Variants in LY96 observed in about 807,000 individuals in gnomAD.
LY96 encodes the protein lymphocyte antigen 96.
Under a neutral mutation model 18.9 loss-of-function variants are expected in LY96, and 18 were observed. The ratio of observed to expected loss-of-function variants is 0.95; its 90% CI spans 0.66 to 1.41. The LOEUF (loss-of-function observed/expected upper bound fraction) is 1.41. Ranked by LOEUF, LY96 falls within the 40% of genes most tolerant of loss-of-function variation. The pLI is 0.00. For synonymous variants in LY96, 66 were observed against 62.6 expected (o/e 1.06, Z -0.26); for missense variants, 175 against 182.4 (o/e 0.96, Z 0.23).
chr8:74,011,858 C>CAA (rs570734407), intron 3 of LY96, among the ~76,000 whole-genome samples: 29 of 65,364 alleles, frequency 4.4e-4, no homozygotes, highest in Middle Eastern at 8.9e-3. Flanking sequence ...GACTCCATCT[C>CAA]AAAAAAAAAA....
At chr8:74,034,401 A>C in the LY96 span, among the ~76,000 whole-genome samples, 10 of 152,132 alleles carry the variant, frequency 6.6e-5, no homozygotes, top group African/African-American at 2.4e-4. Context: ...TTAATAGAAA[A>C]GGAGAACCAG....
chr8:74,059,873 C>T, the LY96 span, among the ~76,000 whole-genome samples: 1 of 152,246 alleles, frequency 6.6e-6, no homozygotes, highest in Non-Finnish European at 1.5e-5. Flanking sequence ...CGCAGTGGCT[C>T]AGGCCTGTAA....
At chr8:74,007,881 C>T (rs181285131) in intron 2 of LY96, among the ~76,000 whole-genome samples, 3 of 152,240 alleles carry the variant, frequency 2.0e-5, no homozygotes, top group Non-Finnish European at 4.4e-5. Context: ...TGCCTCAGCA[C>T]CCCTGGTAGC....
At chr8:74,068,106 TTTCCTTC>T in the LY96 span, among the ~76,000 whole-genome samples, 1 of 128,600 alleles carries the variant, frequency 7.8e-6, no homozygotes, top group African/African-American at 3.5e-5. Flanking sequence ...ATATATAACA[TTTCCTTC>T]ATTTCCCAAA....
chr8:74,061,173 C>T, the LY96 span, among the ~76,000 whole-genome samples: 1 of 152,204 alleles, frequency 6.6e-6, no homozygotes, highest in African/African-American at 2.4e-5. Flanking sequence ...TGTCCCTTCC[C>T]ATTTTAAAAT....
At chr8:73,996,592 T>C (rs1253372916) in intron 1 of LY96, among the ~76,000 whole-genome samples, 1 of 152,060 alleles carries the variant, frequency 6.6e-6, no homozygotes, top group East Asian at 1.9e-4. Context: ...TATTTTTTTC[T>C]GTTTTTAGTA....
At chr8:74,040,335 T>A in the LY96 span, among the ~76,000 whole-genome samples, 1 of 152,262 alleles carries the variant, frequency 6.6e-6, no homozygotes, top group South Asian at 2.1e-4. Flanking sequence ...AGGTAATCTT[T>A]CACCCACAAT....
chr8:74,048,839 G>GAAGAAAAGGAGAAAGAAAGAAAAGGAGA, the LY96 span: 2 of 150,158 alleles, frequency 1.3e-5, no homozygotes, highest in Non-Finnish European at 3.0e-5. Flanking sequence ...AAGAAAGAAA[G>GAAGAAAAGGAGAAAGAAAGAAAAGGAGA]AAGAAAAGGA....
At chr8:74,086,529 T>A in the LY96 span, among the ~76,000 whole-genome samples, 1 of 152,194 alleles carries the variant, frequency 6.6e-6, no homozygotes, top group Non-Finnish European at 1.5e-5. Context: ...AAGTCAGGGG[T>A]TCCTGCCTTT....
At chr8:74,007,210 G>A (rs550479990) in intron 2 of LY96, among the ~76,000 whole-genome samples, 85 of 152,302 alleles carry the variant, frequency 5.6e-4, no homozygotes, top group African/African-American at 1.8e-3. Context: ...AGCAGCCTAC[G>A]AGAGGGTGGC....
intron 1 of LY96, among the ~76,000 whole-genome samples, chr8:73,997,132 C>T (rs1236271060): frequency 6.6e-6 from 1 of 152,240 alleles, no homozygotes; most frequent in East Asian, 1.9e-4. Context: ...GTCGGGATTA[C>T]AGGCATGAGC....
intron 3 of LY96, among the ~76,000 whole-genome samples, chr8:74,020,286 G>A (rs1188905899): frequency 2.6e-5 from 4 of 152,144 alleles, no homozygotes; most frequent in Non-Finnish European, 5.9e-5. Context: ...CAGACAAACA[G>A]AGAGCCAAAT....
chr8:73,993,259 C>T (rs1816047947), intron 1 of LY96, among the ~76,000 whole-genome samples: 2 of 151,912 alleles, frequency 1.3e-5, no homozygotes, highest in Admixed American at 6.6e-5. Context: ...CTTTTTAAAA[C>T]ATTTCACATT....
the LY96 span, among the ~76,000 whole-genome samples, chr8:74,085,876 A>G: frequency 6.6e-6 from 1 of 152,102 alleles, no homozygotes; most frequent in Non-Finnish European, 1.5e-5. Flanking sequence ...CCTAGTTACC[A>G]TTTGTGTGTG....
chr8:74,005,253 C>A (rs906380846), intron 2 of LY96, among the ~76,000 whole-genome samples: 4 of 152,198 alleles, frequency 2.6e-5, no homozygotes, highest in Non-Finnish European at 5.9e-5. Flanking sequence ...CAGTTCCTTA[C>A]CACATGGGCA....
intron 3 of LY96, among the ~76,000 whole-genome samples, chr8:74,020,173 A>G (rs1816730278): frequency 6.6e-6 from 1 of 152,206 alleles, no homozygotes; most frequent in Admixed American, 6.5e-5. Flanking sequence ...GGAAAACCCC[A>G]TCATCTCAGC....
chr8:74,083,206 T>G, the LY96 span, among the ~76,000 whole-genome samples: 1 of 152,146 alleles, frequency 6.6e-6, no homozygotes, highest in African/African-American at 2.4e-5. Flanking sequence ...AGTTAAGGAC[T>G]CTTTATTTTT....
chr8:74,079,289 A>T, the LY96 span, among the ~76,000 whole-genome samples: 1 of 152,208 alleles, frequency 6.6e-6, no homozygotes, highest in East Asian at 1.9e-4. Flanking sequence ...GCAGATGCAG[A>T]TTGTGAGACT....
chr8:74,061,566 TG>T, the LY96 span, among the ~76,000 whole-genome samples: 2 of 152,192 alleles, frequency 1.3e-5, no homozygotes, highest in Non-Finnish European at 2.9e-5. Context: ...CACAGCAGGG[TG>T]ACTGTGGTTA....
Sources: gnomAD v4.1 joint callset for allele counts (sites outside exome capture counted in the v4.1 genomes callset) on GRCh38, gnomAD v4.1.1 for gene constraint, MANE v1.5 for transcripts, NCBI Gene and HGNC (gene_info 2026-07-23, HGNC 2026-07-21) for gene names.